Variants in ABLIM3 observed in about 807,000 individuals in gnomAD.
The protein encoded by ABLIM3 is actin binding LIM protein family member 3, also known as actin-binding LIM protein 3.
A neutral mutation model predicts 109.5 loss-of-function variants in ABLIM3; 61 were observed. That is an observed-to-expected ratio of 0.56 (90% CI 0.45 to 0.69). The LOEUF (loss-of-function observed/expected upper bound fraction) is 0.69. Ranked by LOEUF, ABLIM3 falls within the 30% of genes least tolerant of loss-of-function variation. The pLI is 0.00. For missense variants in ABLIM3, 796 were observed against 889.5 expected (o/e 0.89, Z 1.34); for synonymous variants, 300 against 324.8 (o/e 0.92, Z 0.82).
At chr5:149,169,415 C>T (rs1755159556) in intron 2 of ABLIM3, among the ~76,000 whole-genome samples, 1 of 152,086 alleles carries the variant, frequency 6.6e-6, no homozygotes, top group South Asian at 2.1e-4. Context: ...CAACCTCCAT[C>T]CAAGAAAACC....
intron 23 of ABLIM3, among the ~76,000 whole-genome samples, chr5:149,253,822 C>G (rs1754168618): frequency 6.6e-6 from 1 of 152,214 alleles, no homozygotes; most frequent in African/African-American, 2.4e-5. Flanking sequence ...GCCTCTCCCT[C>G]TCCCCAGAAT....
At chr5:149,202,387 C>T (rs900571468) in intron 5 of ABLIM3, among the ~76,000 whole-genome samples, 9 of 152,146 alleles carry the variant, frequency 5.9e-5, no homozygotes, top group Non-Finnish European at 1.2e-4. Flanking sequence ...TTGTTACTCA[C>T]AAAGTAAAGA....
intron 2 of ABLIM3, among the ~76,000 whole-genome samples, chr5:149,146,719 CT>C (rs1291732508): frequency 1.7e-4 from 26 of 152,224 alleles, no homozygotes; most frequent in Middle Eastern, 6.8e-3. Context: ...TTACTGTAGC[CT>C]TATAATATAG....
chr5:149,239,706 C>G, intron 12 of ABLIM3, 53 bp from the exon 13 acceptor site: 1 of 1,531,170 alleles, frequency 6.5e-7, no homozygotes, highest in Non-Finnish European at 8.8e-7. Context: ...GACCCTCGGG[C>G]CACAGGCCCA....
chr5:149,210,756 C>T lies in ABLIM3; in HGVS notation c.606C>T (p.Tyr202=), dbSNP rs1759461331. 1.2e-6 allele frequency: 2 copies of T among 1,613,994 alleles called. No homozygotes were observed. Among genetic ancestry groups the T allele is most frequent in the African/African-American group, 2.7e-5 (2 of 74,918 alleles). The stretch of plus-strand genomic sequence containing the variant: ...GTGTTCCATACTGTGAGTCCGACTA[C>T]CATGCCCAGTTTGGCATTAAATGTG... ...KDGVPYCESD[Y]HAQFGIKCET... The change falls in exon 7 of 24, where the codon TAC becomes TAT. Residue 202 remains tyrosine (Y), a synonymous_variant. Transcript: ENST00000309868.
At chr5:149,159,591 T>C (rs1754148539) in intron 2 of ABLIM3, among the ~76,000 whole-genome samples, 1 of 152,174 alleles carries the variant, frequency 6.6e-6, no homozygotes, top group Non-Finnish European at 1.5e-5. Context: ...TTAGATAGAA[T>C]AGGCTTGCAA....
At chr5:149,168,646 T>C (rs1258886708) in intron 2 of ABLIM3, among the ~76,000 whole-genome samples, 6 of 152,226 alleles carry the variant, frequency 3.9e-5, no homozygotes, top group Admixed American at 3.9e-4. Flanking sequence ...CTAGCTGTAT[T>C]GGGACATTTT....
At chr5:149,237,009 C>T (rs923694546) in intron 10 of ABLIM3, among the ~76,000 whole-genome samples, 1 of 152,190 alleles carries the variant, frequency 6.6e-6, no homozygotes, top group East Asian at 1.9e-4. Context: ...TTCAAGGATG[C>T]TGTGAATTGG....
chr5:149,230,447 A>G (rs1039222170), intron 8 of ABLIM3, among the ~76,000 whole-genome samples: 4 of 152,182 alleles, frequency 2.6e-5, no homozygotes, highest in African/African-American at 9.7e-5. Flanking sequence ...AGGAACAGGT[A>G]GGATTTGGAC....
chr5:149,186,902 A>G (rs192900665), intron 3 of ABLIM3, among the ~76,000 whole-genome samples: 267 of 152,296 alleles, frequency 1.8e-3, no homozygotes, highest in Non-Finnish European at 2.8e-3. Context: ...TGAAAAGGAA[A>G]CAAATAAAAC....
At chr5:149,176,653 A>G (rs767650481) in intron 2 of ABLIM3, among the ~76,000 whole-genome samples, 1 of 152,182 alleles carries the variant, frequency 6.6e-6, no homozygotes, top group African/African-American at 2.4e-5. Context: ...GATGACATAT[A>G]TAAGTGGCTG....
chr5:149,225,755 C>T (rs1468502522), intron 8 of ABLIM3, among the ~76,000 whole-genome samples: 1 of 151,834 alleles, frequency 6.6e-6, no homozygotes, highest in Non-Finnish European at 1.5e-5. Context: ...CATTCTTATG[C>T]TTTTGCATCC....
chr5:149,195,373 C>T (rs1028124541), intron 3 of ABLIM3, among the ~76,000 whole-genome samples: 5 of 152,204 alleles, frequency 3.3e-5, no homozygotes, highest in South Asian at 2.1e-4. Context: ...TTCAATATTG[C>T]GTTTCACTCA....
chr5:149,174,928 G>A (rs1173950268), intron 2 of ABLIM3, among the ~76,000 whole-genome samples: 1 of 152,228 alleles, frequency 6.6e-6, no homozygotes, highest in Non-Finnish European at 1.5e-5. Flanking sequence ...TGCTTAGGAA[G>A]CGCATAGCAC....
At chr5:149,180,415 A>G (rs1325115412) in intron 2 of ABLIM3, among the ~76,000 whole-genome samples, 1 of 152,230 alleles carries the variant, frequency 6.6e-6, no homozygotes, top group African/African-American at 2.4e-5. Context: ...TTAATTAGCC[A>G]AGAATATAAA....
intron 3 of ABLIM3, among the ~76,000 whole-genome samples, chr5:149,192,471 A>G (rs912389301): frequency 2.0e-5 from 3 of 151,240 alleles, no homozygotes; most frequent in South Asian, 2.1e-4. Context: ...GAAAGTTTCT[A>G]TCTACAGAAA....
intron 2 of ABLIM3, among the ~76,000 whole-genome samples, chr5:149,169,125 A>G (rs183179686): frequency 1.3e-3 from 152 of 115,266 alleles, no homozygotes; most frequent in African/African-American, 6.8e-3. Context: ...TCCTTGGCTA[A>G]TTTGTTCATA....
chr5:149,157,676 T>G (rs1478123545), intron 2 of ABLIM3, among the ~76,000 whole-genome samples: 2 of 151,822 alleles, frequency 1.3e-5, no homozygotes, highest in African/African-American at 4.8e-5. Flanking sequence ...GAAGAAGAAG[T>G]GTTTATTCCA....
At chr5:149,240,908 C>A (rs1399132044) in intron 14 of ABLIM3, 134 bp downstream of exon 14, 2 of 761,678 alleles carry the variant, frequency 2.6e-6, no homozygotes, top group South Asian at 3.2e-5. Context: ...CAAGCACCTG[C>A]ACCAACCCTG....
Sources: allele counts gnomAD v4.1 joint callset (sites outside exome capture counted in the v4.1 genomes callset), GRCh38; gene constraint gnomAD v4.1.1; transcripts MANE v1.5; gene names NCBI Gene and HGNC (gene_info 2026-07-23, HGNC 2026-07-21).